The following SGCZ variants were observed in gnomAD, a reference collection of about 807,000 sequenced individuals.
SGCZ encodes the protein sarcoglycan zeta.
Under a neutral mutation model 41.3 loss-of-function variants are expected in SGCZ, and 40 were observed. The ratio of observed to expected loss-of-function variants is 0.97; its 90% CI spans 0.75 to 1.26. The LOEUF (loss-of-function observed/expected upper bound fraction) is 1.26. SGCZ is among the 50% of genes most tolerant of loss of function. The pLI is 0.00. For missense variants in SGCZ, 552 were observed against 369.8 expected, an observed-to-expected ratio of 1.49 and a Z score of -4.04; for synonymous variants, 206 against 137.5, an observed-to-expected ratio of 1.50 and a Z score of -3.49.
At chr8:15,170,843 T>C (rs553868119) in intron 1 of SGCZ, among the ~76,000 whole-genome samples, 1 of 152,268 alleles carries the variant, frequency 6.6e-6, no homozygotes, top group South Asian at 2.1e-4. Context: ...AATGAAGAAG[T>C]AAGAAATTGT....
intron 5 of SGCZ, among the ~76,000 whole-genome samples, chr8:14,143,051 A>C (rs1171856130): frequency 2.0e-5 from 3 of 152,172 alleles, no homozygotes; most frequent in Non-Finnish European, 2.9e-5. Context: ...ATAGGCTAAA[A>C]AAGAAAAATC....
At chr8:14,566,358 G>C (rs1804359172) in intron 1 of SGCZ, among the ~76,000 whole-genome samples, 2 of 152,170 alleles carry the variant, frequency 1.3e-5, no homozygotes, top group African/African-American at 4.8e-5. Context: ...GTAAAAAGTG[G>C]CCGAATGGCC....
intron 4 of SGCZ, among the ~76,000 whole-genome samples, chr8:14,187,324 G>A (rs1178972289): frequency 1.3e-5 from 2 of 152,058 alleles, no homozygotes; most frequent in South Asian, 2.1e-4. Flanking sequence ...TTAAAAACCC[G>A]AGAAAAGTCT....
intron 2 of SGCZ, among the ~76,000 whole-genome samples, chr8:14,437,212 C>T (rs992524504): frequency 2.0e-5 from 3 of 152,080 alleles, no homozygotes; most frequent in Non-Finnish European, 2.9e-5. Context: ...TGCAATGGAT[C>T]TGGCAGAAAA....
chr8:14,672,321 T>A (rs923132686), intron 1 of SGCZ, among the ~76,000 whole-genome samples: 2 of 152,132 alleles, frequency 1.3e-5, no homozygotes, highest in African/African-American at 4.8e-5. Context: ...TCATATTCCA[T>A]AGCGGAAAAC....
At chr8:14,662,907 A>G (rs1335957321) in intron 1 of SGCZ, among the ~76,000 whole-genome samples, 1 of 152,150 alleles carries the variant, frequency 6.6e-6, no homozygotes, top group Non-Finnish European at 1.5e-5. Context: ...GGGATGTGAC[A>G]GTCTCTAGAA....
At chr8:14,947,248 A>G (rs1436189339) in intron 1 of SGCZ, among the ~76,000 whole-genome samples, 2 of 152,204 alleles carry the variant, frequency 1.3e-5, no homozygotes. Flanking sequence ...AAGTATTTCA[A>G]ATTTCTTAAT....
At chr8:14,552,722 G>C (rs1803909524) in intron 2 of SGCZ, among the ~76,000 whole-genome samples, 1 of 152,174 alleles carries the variant, frequency 6.6e-6, no homozygotes. Context: ...TAACAGGGAT[G>C]GCTTATCCAG....
At position 14,088,526 on chromosome 8, in the gene SGCZ, G is replaced by A. The variant is rs1389839010; in HGVS notation, c.*1917C>T. ...TATACTTTATTTTGCAAAGACCAAT[G>A]TGAGATTTCTTATATTAAATTCTCT... is the stretch of plus-strand genomic sequence containing the variant. On this transcript the variant is annotated 3_prime_UTR_variant, in exon 8 of 8. Transcript: ENST00000382080. 6.6e-6 allele frequency among the ~76,000 whole-genome samples: 1 copy of A among 151,696 alleles called. No individual in the cohort carries two copies. Among genetic ancestry groups the A allele is most frequent in the Non-Finnish European group, 1.5e-5 (1 of 67,828 alleles).
chr8:15,127,411 T>G (rs572533452), intron 1 of SGCZ, among the ~76,000 whole-genome samples: 1 of 152,212 alleles, frequency 6.6e-6, no homozygotes, highest in East Asian at 1.9e-4. Flanking sequence ...TATTTCAAAT[T>G]TAAATAACGT....
intron 1 of SGCZ, among the ~76,000 whole-genome samples, chr8:14,584,612 G>A (rs1022080054): frequency 1.3e-5 from 2 of 152,038 alleles, no homozygotes; most frequent in Non-Finnish European, 2.9e-5. Flanking sequence ...GAGCAAAGAT[G>A]TCAAAAGTTA....
intron 1 of SGCZ, among the ~76,000 whole-genome samples, chr8:14,782,043 T>A (rs2253102): frequency 0.46 from 69,849 of 151,638 alleles, 17,953 homozygotes; most frequent in East Asian, 0.56. Context: ...GCTGAGAAAT[T>A]TGGGTGACAA....
At chr8:15,194,123 G>C (rs549886656) in intron 1 of SGCZ, among the ~76,000 whole-genome samples, 61 of 151,024 alleles carry the variant, frequency 4.0e-4, no homozygotes, top group African/African-American at 1.4e-3. Context: ...TTTACAAGTA[G>C]TTTTAGTACT....
chr8:14,824,016 T>G (rs530104199), intron 1 of SGCZ, among the ~76,000 whole-genome samples: 3 of 148,984 alleles, frequency 2.0e-5, no homozygotes, highest in East Asian at 4.2e-4. Flanking sequence ...TGCTTATATA[T>G]AGAATCTAAA....
chr8:14,660,352 G>A (rs1218052512), intron 1 of SGCZ, among the ~76,000 whole-genome samples: 1 of 151,566 alleles, frequency 6.6e-6, no homozygotes, highest in Non-Finnish European at 1.5e-5. Context: ...TGGGTGGATC[G>A]CCTGAGGTCA....
chr8:14,270,928 T>C (rs1241742545), intron 3 of SGCZ, among the ~76,000 whole-genome samples: 3 of 152,106 alleles, frequency 2.0e-5, no homozygotes, highest in Non-Finnish European at 4.4e-5. Flanking sequence ...ACCATCATTC[T>C]CTGCAAACTA....
intron 3 of SGCZ, chr8:14,309,414 A>G (rs1056896307): frequency 1.9e-6 from 3 of 1,606,968 alleles, no homozygotes; most frequent in Non-Finnish European, 2.6e-6. Context: ...TTTTGGCTAG[A>G]GACACTTCTG....
intron 1 of SGCZ, among the ~76,000 whole-genome samples, chr8:15,025,745 G>A (rs1803431719): frequency 6.6e-6 from 1 of 152,162 alleles, no homozygotes; most frequent in Non-Finnish European, 1.5e-5. Flanking sequence ...TCTGACATAT[G>A]AGATTGGAAA....
chr8:14,684,416 C>G (rs552679976), intron 1 of SGCZ, among the ~76,000 whole-genome samples: 1 of 152,122 alleles, frequency 6.6e-6, no homozygotes. Flanking sequence ...ATACAACTTA[C>G]AGGAATTTCA....
Sources: gnomAD v4.1 joint callset for allele counts (sites outside exome capture counted in the v4.1 genomes callset) on GRCh38, gnomAD v4.1.1 for gene constraint, MANE v1.5 for transcripts, NCBI Gene and HGNC (gene_info 2026-07-23, HGNC 2026-07-21) for gene names.